Variants in CCDC148 observed in about 807,000 individuals in gnomAD.
The protein encoded by CCDC148 is coiled-coil domain-containing protein 148.
CCDC148 carries 89 observed loss-of-function variants against 85.7 expected under a neutral mutation model. The ratio of observed to expected loss-of-function variants is 1.04; its 90% CI spans 0.87 to 1.24. CCDC148 has a LOEUF of 1.24. CCDC148 is among the 50% of genes most tolerant of loss of function. The pLI is 0.00. For missense variants in CCDC148, 692 were observed against 671.7 expected, an observed-to-expected ratio of 1.03 and a Z score of -0.33; for synonymous variants, 230 against 213.9, an observed-to-expected ratio of 1.08 and a Z score of -0.66.
intron 9 of CCDC148, among the ~76,000 whole-genome samples, chr2:158,288,228 G>C (rs901755208): frequency 6.6e-6 from 1 of 152,188 alleles, no homozygotes; most frequent in East Asian, 1.9e-4. Flanking sequence ...CCTCTGACAT[G>C]CCCTGGAGAC....
intron 9 of CCDC148, among the ~76,000 whole-genome samples, chr2:158,268,809 C>T (rs948054001): frequency 2.0e-5 from 3 of 152,116 alleles, no homozygotes; most frequent in Admixed American, 2.0e-4. Context: ...TTTTTAGATT[C>T]CACATGTAGG....
At chr2:158,366,742 T>C (rs1419633732) in intron 1 of CCDC148, among the ~76,000 whole-genome samples, 2 of 152,212 alleles carry the variant, frequency 1.3e-5, no homozygotes, top group Non-Finnish European at 2.9e-5. Flanking sequence ...TTGAAGTTGT[T>C]GTCTTCACCT....
chr2:158,219,737 A>G (rs1289867828), intron 11 of CCDC148, among the ~76,000 whole-genome samples: 2 of 152,166 alleles, frequency 1.3e-5, no homozygotes, highest in Admixed American at 1.3e-4. Flanking sequence ...TGACTATTGA[A>G]CTAGCTCTAT....
At chr2:158,306,359 A>T (rs1043079409) in intron 9 of CCDC148, among the ~76,000 whole-genome samples, 2 of 148,632 alleles carry the variant, frequency 1.3e-5, no homozygotes, top group African/African-American at 4.9e-5. Context: ...CATCTCTACT[A>T]AAAAAAAAAT....
chr2:158,398,135 T>C (rs923070423), intron 1 of CCDC148, among the ~76,000 whole-genome samples: 10 of 152,128 alleles, frequency 6.6e-5, no homozygotes, highest in Non-Finnish European at 1.3e-4. Flanking sequence ...AGCAAGTTCT[T>C]AGAGACCTAC....
intron 1 of CCDC148, among the ~76,000 whole-genome samples, chr2:158,395,673 T>C (rs1421876121): frequency 1.3e-5 from 2 of 152,074 alleles, no homozygotes; most frequent in African/African-American, 2.4e-5. Context: ...TTCACAGCAA[T>C]ATGTCACTGT....
chr2:158,437,732 T>C (rs1197233260), intron 1 of CCDC148, among the ~76,000 whole-genome samples: 3 of 152,164 alleles, frequency 2.0e-5, no homozygotes, highest in Non-Finnish European at 4.4e-5. Flanking sequence ...GAAAACCCCA[T>C]CGTCTCAGCC....
chr2:158,281,137 G>C (rs1246122462), intron 9 of CCDC148, among the ~76,000 whole-genome samples: 2 of 152,070 alleles, frequency 1.3e-5, no homozygotes, highest in Non-Finnish European at 2.9e-5. Context: ...AGTGTGTACA[G>C]GGAAATTTAT....
intron 7 of CCDC148, among the ~76,000 whole-genome samples, chr2:158,330,469 CT>C (rs569473065): frequency 5.3e-5 from 8 of 152,122 alleles, no homozygotes; most frequent in African/African-American, 1.9e-4. Context: ...CTAAAATTTT[CT>C]TTTTTTGTTG....
At chr2:158,416,446 G>A (rs1232854463) in intron 1 of CCDC148, among the ~76,000 whole-genome samples, 1 of 152,154 alleles carries the variant, frequency 6.6e-6, no homozygotes, top group Admixed American at 6.5e-5. Flanking sequence ...GCCACATCTT[G>A]AATGCTTTGC....
intron 7 of CCDC148, among the ~76,000 whole-genome samples, chr2:158,326,521 C>T (rs546769330): frequency 1.4e-4 from 22 of 152,198 alleles, no homozygotes; most frequent in African/African-American, 2.6e-4. Context: ...GTTGAAAATA[C>T]GAAGGATAAG....
chr2:158,437,129 A>C (rs1312515378), intron 1 of CCDC148, among the ~76,000 whole-genome samples: 1 of 152,236 alleles, frequency 6.6e-6, no homozygotes, highest in Non-Finnish European at 1.5e-5. Flanking sequence ...TCATTTTATG[A>C]GGCCAGCATC....
At chr2:158,180,004 C>T (rs182023102) in intron 11 of CCDC148, among the ~76,000 whole-genome samples, 1 of 152,302 alleles carries the variant, frequency 6.6e-6, no homozygotes, top group Non-Finnish European at 1.5e-5. Context: ...CTTGCCATCT[C>T]CTTGCCCAAG....
chr2:158,242,710 C>G (rs1688403140), intron 10 of CCDC148, among the ~76,000 whole-genome samples: 1 of 150,740 alleles, frequency 6.6e-6, no homozygotes, highest in Non-Finnish European at 1.5e-5. Flanking sequence ...TAGATCAACT[C>G]CAATACCTCC....
intron 1 of CCDC148, among the ~76,000 whole-genome samples, chr2:158,390,363 A>C (rs948530078): frequency 1.3e-5 from 2 of 152,158 alleles, no homozygotes; most frequent in Admixed American, 6.6e-5. Flanking sequence ...AGAGTTAAGA[A>C]GTGAGAAAGA....
intron 11 of CCDC148, among the ~76,000 whole-genome samples, chr2:158,215,145 C>G (rs76827122): frequency 0.022 from 3,379 of 152,092 alleles, 49 homozygotes; most frequent in East Asian, 0.068. Context: ...TAACATATAA[C>G]AAAGGTGGCA....
At chr2:158,399,922 C>G (rs898383495) in intron 1 of CCDC148, among the ~76,000 whole-genome samples, 1 of 152,040 alleles carries the variant, frequency 6.6e-6, no homozygotes, top group Admixed American at 6.6e-5. Context: ...AGCAAAGAGC[C>G]AAATCATAAG....
intron 1 of CCDC148, among the ~76,000 whole-genome samples, chr2:158,372,775 AC>A (rs770821251): frequency 2.6e-5 from 4 of 152,032 alleles, no homozygotes; most frequent in Non-Finnish European, 5.9e-5. Context: ...GAACTCCCTG[AC>A]CTACCAAATG....
chr2:158,448,349 T>TA (rs1026483578), intron 1 of CCDC148, among the ~76,000 whole-genome samples: 12 of 152,188 alleles, frequency 7.9e-5, no homozygotes, highest in African/African-American at 2.2e-4. Flanking sequence ...CATTTTATTT[T>TA]TTTTTTATTT....
Sources: allele counts gnomAD v4.1 joint callset (sites outside exome capture counted in the v4.1 genomes callset), GRCh38; gene constraint gnomAD v4.1.1; transcripts MANE v1.5; gene names NCBI Gene and HGNC (gene_info 2026-07-23, HGNC 2026-07-21).